CSGALNACT1: variants seen among roughly 807,000 people sequenced by gnomAD.
The protein encoded by CSGALNACT1 is chondroitin sulfate N-acetylgalactosaminyltransferase 1.
In CSGALNACT1, 52 loss-of-function variants were observed where a neutral mutation model predicts 51.0. That is an observed-to-expected ratio of 1.02 (90% CI 0.82 to 1.29). The LOEUF (loss-of-function observed/expected upper bound fraction) is 1.29. Among genes scored for constraint, CSGALNACT1 ranks in the 50% most tolerant of loss-of-function variants. The pLI is 0.00. For synonymous variants in CSGALNACT1, 341 were observed against 254.4 expected (o/e 1.34, Z -3.24); for missense variants, 935 against 679.2 (o/e 1.38, Z -4.19).
intron 6 of CSGALNACT1, among the ~76,000 whole-genome samples, chr8:19,438,745 G>C (rs1302084158): frequency 2.6e-5 from 4 of 152,188 alleles, no homozygotes; most frequent in Non-Finnish European, 4.4e-5. Flanking sequence ...ACAAAGACAG[G>C]TGCAAGACAA....
At chr8:19,515,667 C>A (rs1477237537) in intron 3 of CSGALNACT1, among the ~76,000 whole-genome samples, 2 of 152,210 alleles carry the variant, frequency 1.3e-5, no homozygotes, top group African/African-American at 2.4e-5. Context: ...TGAAAGCACA[C>A]TGATCACAAC....
intron 3 of CSGALNACT1, among the ~76,000 whole-genome samples, chr8:19,533,993 C>A (rs188934475): frequency 6.6e-6 from 1 of 152,196 alleles, no homozygotes; most frequent in East Asian, 1.9e-4. Context: ...CATGCCAAAT[C>A]AATTGTTCTG....
chr8:19,515,477 C>T (rs946466688), intron 3 of CSGALNACT1, among the ~76,000 whole-genome samples: 5 of 152,150 alleles, frequency 3.3e-5, no homozygotes, highest in African/African-American at 4.8e-5. Context: ...TCCTCCATCC[C>T]CTCAACTCCT....
At chr8:19,598,957 A>G (rs948237599) in intron 2 of CSGALNACT1, among the ~76,000 whole-genome samples, 1 of 152,160 alleles carries the variant, frequency 6.6e-6, no homozygotes, top group Non-Finnish European at 1.5e-5. Context: ...GAGTACAGGA[A>G]CACACTACCA....
chr8:19,515,181 C>T (rs1031273562), intron 3 of CSGALNACT1, among the ~76,000 whole-genome samples: 54 of 151,618 alleles, frequency 3.6e-4, no homozygotes, highest in African/African-American at 1.2e-3. Context: ...GCTGTCAGGC[C>T]ATGTCCTTTC....
chr8:19,662,390 A>G (rs1338916018), intron 1 of CSGALNACT1, among the ~76,000 whole-genome samples: 1 of 152,278 alleles, frequency 6.6e-6, no homozygotes, highest in Admixed American at 6.5e-5. Flanking sequence ...TCTAAAAAAG[A>G]AAGAAAAATA....
chr8:19,586,264 C>A (rs1323257761), intron 3 of CSGALNACT1, among the ~76,000 whole-genome samples: 4 of 152,056 alleles, frequency 2.6e-5, no homozygotes, highest in Non-Finnish European at 2.9e-5. Flanking sequence ...GAGGCTGAAG[C>A]AGAAGAGTCG....
chr8:19,418,771 A>ATT, intron 7 of CSGALNACT1, 21 bp from the exon 7 acceptor site: 1 of 1,525,802 alleles, frequency 6.6e-7, no homozygotes, highest in Non-Finnish European at 9.1e-7. Flanking sequence ...GAAAACAAAC[A>ATT]TTCACTTAAA....
chr8:19,557,769 A>T (rs1433842753), intron 3 of CSGALNACT1, among the ~76,000 whole-genome samples: 1 of 152,092 alleles, frequency 6.6e-6, no homozygotes, highest in African/African-American at 2.4e-5. Flanking sequence ...TCATGTTATT[A>T]TAAAGCTCTT....
chr8:19,461,120 T>C (rs2065259309), intron 4 of CSGALNACT1, among the ~76,000 whole-genome samples: 1 of 152,184 alleles, frequency 6.6e-6, no homozygotes, highest in African/African-American at 2.4e-5. Flanking sequence ...GCCCTCAAAG[T>C]CAGGCAAGCT....
At chr8:19,750,340 G>A (rs759412835) in intron 1 of CSGALNACT1, among the ~76,000 whole-genome samples, 2 of 152,100 alleles carry the variant, frequency 1.3e-5, no homozygotes, top group Non-Finnish European at 2.9e-5. Context: ...ACCAGAAAAC[G>A]ACATTCTAAA....
At chr8:19,749,095 A>AT (rs776075311) in intron 1 of CSGALNACT1, among the ~76,000 whole-genome samples, 1 of 151,714 alleles carries the variant, frequency 6.6e-6, no homozygotes, top group Non-Finnish European at 1.5e-5. Context: ...TCATTCCGAG[A>AT]TTTTTTCACT....
At position 19,697,967 on chromosome 8, in the gene CSGALNACT1, A is replaced by G. The variant is rs376788206; in HGVS notation, c.-297+59883T>C. Among the ~76,000 whole-genome samples the G allele has an allele frequency of 3.3e-5, 5 of 152,308 alleles. No homozygotes were observed. In the East Asian group the frequency reaches 9.7e-4, roughly 29 times the overall value. On this transcript the variant is annotated intron_variant, in intron 1 of 1. Coordinates refer to the CSGALNACT1 transcript ENST00000517494. ...GAAGATCAAGAATAGAGAAGTAAAC[A>G]CTGAAATGCTGCCAAAAAGTTAAGT...
intron 1 of CSGALNACT1, among the ~76,000 whole-genome samples, chr8:19,614,182 T>C (rs778233744): frequency 7.9e-5 from 12 of 152,204 alleles, no homozygotes; most frequent in Non-Finnish European, 4.4e-5. Flanking sequence ...CCAAGTACTT[T>C]ATATGCCTGA....
At chr8:19,555,995 G>A (rs2089618473) in intron 3 of CSGALNACT1, among the ~76,000 whole-genome samples, 1 of 152,152 alleles carries the variant, frequency 6.6e-6, no homozygotes, top group Non-Finnish European at 1.5e-5. Flanking sequence ...ATTCTGTGGT[G>A]TGTTTTTTTA....
intron 1 of CSGALNACT1, among the ~76,000 whole-genome samples, chr8:19,652,421 A>G (rs2057896968): frequency 6.6e-6 from 1 of 152,200 alleles, no homozygotes; most frequent in Admixed American, 6.5e-5. Flanking sequence ...ATGCATATCT[A>G]GAAATAGATG....
intron 1 of CSGALNACT1, among the ~76,000 whole-genome samples, chr8:19,638,955 A>C (rs2056426732): frequency 1.3e-5 from 2 of 152,010 alleles, no homozygotes; most frequent in Non-Finnish European, 2.9e-5. Flanking sequence ...AAAGGCTTTT[A>C]CTACTGTAAA....
chr8:19,715,216 G>C (rs1456952837), intron 1 of CSGALNACT1, among the ~76,000 whole-genome samples: 1 of 152,112 alleles, frequency 6.6e-6, no homozygotes, highest in Non-Finnish European at 1.5e-5. Flanking sequence ...GAACAGTATG[G>C]GGGAAACTGC....
chr8:19,574,056 G>T (rs977605561), intron 3 of CSGALNACT1, among the ~76,000 whole-genome samples: 1 of 152,162 alleles, frequency 6.6e-6, no homozygotes, highest in African/African-American at 2.4e-5. Flanking sequence ...GATAAGCTGG[G>T]AATACAAGTG....
Sources: gnomAD v4.1 joint callset for allele counts (sites outside exome capture counted in the v4.1 genomes callset) on GRCh38, gnomAD v4.1.1 for gene constraint, MANE v1.5 for transcripts, NCBI Gene and HGNC (gene_info 2026-07-23, HGNC 2026-07-21) for gene names.